HDGF: variants seen among roughly 807,000 people sequenced by gnomAD.
HDGF encodes the protein heparin binding growth factor, also known as hepatoma-derived growth factor.
HDGF carries 5 observed loss-of-function variants against 30.0 expected under a neutral mutation model. The observed-to-expected ratio is 0.17, with a 90% CI of 0.09 to 0.35. The LOEUF is 0.35. HDGF is among the 10% of genes least tolerant of loss of function. HDGF has a pLI of 1.00. For synonymous variants in HDGF, 133 were observed against 112.7 expected (o/e 1.18, Z -1.14); for missense variants, 214 against 302.8 (o/e 0.71, Z 2.18).
chr1:156,755,129 G>C (rs577966622), upstream of HDGF, among the ~76,000 whole-genome samples: 2 of 152,238 alleles, frequency 1.3e-5, no homozygotes, highest in South Asian at 4.1e-4. Flanking sequence ...ATTCACAAAC[G>C]TCTCAGTGAA....
chr1:156,744,708 A>C (rs1206808105), intron 3 of HDGF: 2 of 568,120 alleles, frequency 3.5e-6, no homozygotes, highest in East Asian at 7.9e-5. Flanking sequence ...CTTTGTGGAA[A>C]GAGTTAAGGC....
upstream of HDGF, chr1:156,752,168 G>C: frequency 1.3e-6 from 2 of 1,551,714 alleles, no homozygotes; most frequent in Non-Finnish European, 8.7e-7. Context: ...CCGAGGGCGA[G>C]AGGAGTGGGC....
At chr1:156,747,250 GCCCCCC>G (rs1314352449) in intron 1 of HDGF, among the ~76,000 whole-genome samples, 6 of 14,164 alleles carry the variant, frequency 4.2e-4, no homozygotes, top group Admixed American at 8.1e-4. Flanking sequence ...CCTCCCCCCC[GCCCCCC>G]CCCCCCCGCC....
chr1:156,745,440 G>C, intron 1 of HDGF, 67 bp from the exon 2 acceptor site: 1 of 1,312,238 alleles, frequency 7.6e-7, no homozygotes, highest in Non-Finnish European at 1.1e-6. Flanking sequence ...CAGGGGTGCT[G>C]ACCTCCAAGG....
chr1:156,765,694 CA>C (rs1351837798), intron 1 of HDGF, among the ~76,000 whole-genome samples: 1 of 151,792 alleles, frequency 6.6e-6, no homozygotes, highest in Non-Finnish European at 1.5e-5. Flanking sequence ...AGGCTGGTCT[CA>C]AACTCCTGAC....
chr1:156,746,392 G>C (rs1344175756), intron 1 of HDGF, among the ~76,000 whole-genome samples: 1 of 152,234 alleles, frequency 6.6e-6, no homozygotes, highest in Non-Finnish European at 1.5e-5. Flanking sequence ...TGAGGTCAAA[G>C]GGCTGCCTAT....
chr1:156,747,991 G>A (rs1162381599), intron 1 of HDGF, among the ~76,000 whole-genome samples: 1 of 152,124 alleles, frequency 6.6e-6, no homozygotes, highest in African/African-American at 2.4e-5. Flanking sequence ...GAACGAATGG[G>A]ATTAAAAATA....
upstream of HDGF, among the ~76,000 whole-genome samples, chr1:156,753,098 G>C (rs1224255045): frequency 1.3e-5 from 2 of 152,192 alleles, no homozygotes; most frequent in Admixed American, 1.3e-4. Flanking sequence ...ATGGCTGCTT[G>C]TCACTAGGGG....
At chr1:156,748,114 A>T (rs1423246159) in intron 1 of HDGF, among the ~76,000 whole-genome samples, 1 of 152,080 alleles carries the variant, frequency 6.6e-6, no homozygotes, top group Non-Finnish European at 1.5e-5. Context: ...TCTCCCCCCA[A>T]AGCATCATCC....
At chr1:156,751,957 G>C, upstream of HDGF, 1 of 1,338,744 alleles carries the variant, frequency 7.5e-7, no homozygotes, top group Non-Finnish European at 1.0e-6. This position sits in a 1 kb window ranked among gnomAD's most constrained non-coding sequence, Gnocchi z 4.7. Flanking sequence ...CGGTCGGTGG[G>C]TGCCCGCCCG....
intron 1 of HDGF, among the ~76,000 whole-genome samples, chr1:156,761,813 G>A (rs562037888): frequency 2.0e-5 from 3 of 151,548 alleles, no homozygotes; most frequent in South Asian, 4.2e-4. Flanking sequence ...CGGGCGTGGT[G>A]GCATGCGCCT....
At chr1:156,744,053 G>A in intron 4 of HDGF, 110 bp downstream of exon 4, 5 of 1,202,422 alleles carry the variant, frequency 4.2e-6, no homozygotes, top group Non-Finnish European at 6.2e-6. Flanking sequence ...CAAGACTAGG[G>A]GCTGGATCGA....
Position 156,751,499 on chromosome 1 carries a change from G to A in HDGF, c.-70C>T. On this transcript the variant is annotated 5_prime_UTR_variant, in exon 1 of 6. Coordinates refer to ENST00000357325, the MANE Select transcript of HDGF (RefSeq NM_004494.3). This position sits in a 1 kb window ranked among gnomAD's most constrained non-coding sequence, Gnocchi z 4.7. ...GCGAGCCCAAGTTTGCGCGTGCGGC[G>A]GTGGCGGCGCCGCTCCGCTCCGGCC... 1.6e-6 allele frequency: 2 copies of A among 1,226,868 alleles called. No homozygotes were observed. Among genetic ancestry groups the A allele is most frequent in the Non-Finnish European group, 2.1e-6 (2 of 973,480 alleles). 76.0% of individuals were successfully genotyped at this position (1,226,868 alleles called of 1,614,324 possible).
At chr1:156,743,476 G>A (rs1650270136) in intron 5 of HDGF, 21 bp from the exon 6 acceptor site, 4 of 1,534,250 alleles carry the variant, frequency 2.6e-6, no homozygotes, top group Admixed American at 2.1e-5. Flanking sequence ...GGGTTGGAGG[G>A]GAGAAGGGTT....
chr1:156,765,699 T>A (rs2102745214), intron 1 of HDGF, among the ~76,000 whole-genome samples: 1 of 151,984 alleles, frequency 6.6e-6, no homozygotes, highest in African/African-American at 2.4e-5. Context: ...GGTCTCAAAC[T>A]CCTGACCTCG....
At chr1:156,761,704 T>C (rs1447606433) in intron 1 of HDGF, among the ~76,000 whole-genome samples, 1 of 151,590 alleles carries the variant, frequency 6.6e-6, no homozygotes, top group East Asian at 1.9e-4. Context: ...TCCCAGCACT[T>C]TGGGAGGCTG....
intron 1 of HDGF, among the ~76,000 whole-genome samples, chr1:156,748,313 C>T (rs1177771010): frequency 6.6e-6 from 1 of 152,200 alleles, no homozygotes; most frequent in Non-Finnish European, 1.5e-5. Context: ...GGCAGTTCTT[C>T]CTAGATGTAG....
upstream of HDGF, among the ~76,000 whole-genome samples, chr1:156,753,619 C>T (rs1174497674): frequency 1.3e-5 from 2 of 152,184 alleles, no homozygotes; most frequent in African/African-American, 2.4e-5. Context: ...TGGCCAATCT[C>T]GGCTCACTGC....
intron 1 of HDGF, among the ~76,000 whole-genome samples, chr1:156,745,977 A>T (rs1571545139): frequency 6.6e-6 from 1 of 152,186 alleles, no homozygotes; most frequent in East Asian, 1.9e-4. Context: ...TACATCCTAC[A>T]CGTCTTTGCT....
Sources: allele counts gnomAD v4.1 joint callset (sites outside exome capture counted in the v4.1 genomes callset), GRCh38; gene constraint gnomAD v4.1.1; non-coding constraint Gnocchi (gnomAD v3.1); transcripts MANE v1.5; gene names NCBI Gene and HGNC (gene_info 2026-07-23, HGNC 2026-07-21).